The following MECOM variants were observed in gnomAD, a reference collection of about 807,000 sequenced individuals.
MECOM encodes the protein histone-lysine N-methyltransferase MECOM.
In MECOM, 13 loss-of-function variants were observed where a neutral mutation model predicts 116.3. The ratio of observed to expected loss-of-function variants is 0.11; its 90% confidence interval spans 0.07 to 0.18. MECOM has a LOEUF of 0.18. Ranked by LOEUF, MECOM falls within the 10% of genes least tolerant of loss-of-function variation. The pLI, the probability that MECOM is intolerant of heterozygous loss-of-function variation, is 1.00. For synonymous variants in MECOM, 528 were observed against 535.2 expected (o/e 0.99, Z 0.19); for missense variants, 1,299 against 1,509.0 (o/e 0.86, Z 2.31).
At chr3:169,290,268 GA>G (rs886591688) in intron 2 of MECOM, among the ~76,000 whole-genome samples, 14 of 151,958 alleles carry the variant, frequency 9.2e-5, no homozygotes, top group East Asian at 3.9e-4. Flanking sequence ...GTAACTGGGG[GA>G]AAAAAACTAC....
chr3:169,279,377 C>A (rs1304852094), intron 2 of MECOM, among the ~76,000 whole-genome samples: 2 of 152,064 alleles, frequency 1.3e-5, no homozygotes, highest in South Asian at 2.1e-4. Context: ...CCCCCCACTA[C>A]ACAAAAAAGA....
intron 1 of MECOM, among the ~76,000 whole-genome samples, chr3:169,558,562 TG>T (rs1413073378): frequency 6.6e-6 from 1 of 152,226 alleles, no homozygotes; most frequent in Non-Finnish European, 1.5e-5. Flanking sequence ...AAATCTCCTT[TG>T]TTGCATTAAT....
chr3:169,318,989 C>T (rs1400135891), intron 2 of MECOM, among the ~76,000 whole-genome samples: 4 of 151,656 alleles, frequency 2.6e-5, no homozygotes, highest in Non-Finnish European at 5.9e-5. Flanking sequence ...ATCCCAGCTA[C>T]TCGGGAGGTG....
chr3:169,517,998 G>C (rs949395260), intron 1 of MECOM, among the ~76,000 whole-genome samples: 3 of 152,158 alleles, frequency 2.0e-5, no homozygotes, highest in African/African-American at 7.2e-5. Flanking sequence ...TATGGCTCAC[G>C]CCTGTAATCC....
At chr3:169,175,107 A>T (rs752014045) in intron 2 of MECOM, among the ~76,000 whole-genome samples, 1 of 152,170 alleles carries the variant, frequency 6.6e-6, no homozygotes, top group African/African-American at 2.4e-5. Flanking sequence ...TTTTCAAGTT[A>T]CCCAACTCAC....
At chr3:169,243,582 T>C (rs974199909) in intron 2 of MECOM, among the ~76,000 whole-genome samples, 4 of 152,016 alleles carry the variant, frequency 2.6e-5, no homozygotes, top group Admixed American at 1.3e-4. Flanking sequence ...ACAGGTTTTT[T>C]CCCCCGTCTG....
chr3:169,186,883 G>A (rs1746855937), intron 2 of MECOM, among the ~76,000 whole-genome samples: 1 of 152,088 alleles, frequency 6.6e-6, no homozygotes, highest in African/African-American at 2.4e-5. Flanking sequence ...GATATTATTT[G>A]TAAATAGGGT....
chr3:169,607,221 G>A (rs1018572380), intron 1 of MECOM, among the ~76,000 whole-genome samples: 2 of 152,162 alleles, frequency 1.3e-5, no homozygotes, highest in Non-Finnish European at 2.9e-5. Context: ...TCAAACTCAG[G>A]TTTTTTTGTC....
chr3:169,378,442 AAAGAAAGAAG>A lies in MECOM; in HGVS notation c.375+2735_375+2744del, dbSNP rs1383605542. Among the ~76,000 whole-genome samples the A allele has an allele frequency of 2.2e-4, 19 of 85,206 alleles. 1 individual carries two copies. The highest frequency in any genetic ancestry group is 1.4e-3 in the African/African-American group (18 of 12,858). The allele number at this position is 85,206 out of a possible 152,430, so 55.9% of individuals were successfully genotyped here. On this transcript the variant is annotated intron_variant, in intron 2 of 16. Transcript: ENST00000651503. The stretch of plus-strand genomic sequence containing the variant: ...GAAAGAAAGAAAGAAAGAAAGAAAG[AAAGAAAGAAG>A]GAAAGCAAGCAAGCAAGCAAGCAAG...
At chr3:169,387,149 C>A (rs114503715) in intron 1 of MECOM, among the ~76,000 whole-genome samples, 1 of 151,970 alleles carries the variant, frequency 6.6e-6, no homozygotes, top group Non-Finnish European at 1.5e-5. Context: ...CTTACAAAGT[C>A]CTTACCTACA....
chr3:169,231,048 A>G (rs1057309585), intron 2 of MECOM, among the ~76,000 whole-genome samples: 14 of 152,036 alleles, frequency 9.2e-5, no homozygotes, highest in African/African-American at 3.4e-4. Flanking sequence ...CCCTCTACAA[A>G]AGATTCCCAA....
chr3:169,537,103 A>G (rs867832837), intron 1 of MECOM, among the ~76,000 whole-genome samples: 3 of 152,266 alleles, frequency 2.0e-5, no homozygotes, highest in Middle Eastern at 3.4e-3. Flanking sequence ...TGGGCAGGAC[A>G]TTTCACACAT....
At chr3:169,497,162 T>A (rs1345005335) in intron 1 of MECOM, among the ~76,000 whole-genome samples, 2 of 152,178 alleles carry the variant, frequency 1.3e-5, no homozygotes, top group Admixed American at 1.3e-4. Context: ...ATTTGACTTC[T>A]CTTGACTCCT....
intron 1 of MECOM, among the ~76,000 whole-genome samples, chr3:169,620,807 C>G (rs928050817): frequency 6.6e-6 from 1 of 152,170 alleles, no homozygotes; most frequent in African/African-American, 2.4e-5. Context: ...CAACAAGGAA[C>G]TGAGATCTAG....
rs552055416 is a variant in MECOM, at chr3:169,344,304, T to C, written c.375+36883A>G. 1.6e-4 allele frequency among the ~76,000 whole-genome samples: 24 copies of C among 152,286 alleles called. No homozygotes were observed. In the South Asian group the frequency reaches 5.0e-3, roughly 32 times the overall value. ...AGTTGTAATATAGTGAGGGGTTATT[T>C]ATAGAAAATCTCTCAGAATGTTTCC... On this transcript the variant is annotated intron_variant, in intron 2 of 16. Transcript: ENST00000651503.
intron 1 of MECOM, among the ~76,000 whole-genome samples, chr3:169,442,741 G>A (rs1743940150): frequency 6.6e-6 from 1 of 152,054 alleles, no homozygotes; most frequent in Admixed American, 6.5e-5. Context: ...CAGTTTTTGT[G>A]GTCTCTTTTC....
intron 2 of MECOM, among the ~76,000 whole-genome samples, chr3:169,194,389 C>T (rs999348444): frequency 2.0e-5 from 3 of 151,862 alleles, no homozygotes; most frequent in African/African-American, 7.3e-5. Flanking sequence ...GGGTGCAGCA[C>T]ACCAACATGG....
intron 1 of MECOM, among the ~76,000 whole-genome samples, chr3:169,552,168 A>AG (rs1560423366): frequency 2.8e-5 from 4 of 141,126 alleles, no homozygotes; most frequent in Non-Finnish European, 3.1e-5. Context: ...TACTTTAAAA[A>AG]GGTATTTTAT....
At chr3:169,094,872 C>T (rs1342734502) in intron 13 of MECOM, among the ~76,000 whole-genome samples, 1 of 152,064 alleles carries the variant, frequency 6.6e-6, no homozygotes, top group African/African-American at 2.4e-5. Flanking sequence ...AAACATAATC[C>T]AAATAAGGCC....
Sources: gnomAD v4.1 joint callset for allele counts (sites outside exome capture counted in the v4.1 genomes callset) on GRCh38, gnomAD v4.1.1 for gene constraint, MANE v1.5 for transcripts, NCBI Gene and HGNC (gene_info 2026-07-23, HGNC 2026-07-21) for gene names.